Variants in ETV7 observed in about 807,000 individuals in gnomAD.
ETV7 encodes the protein transcription factor ETV7.
Under a neutral mutation model 39.1 loss-of-function variants are expected in ETV7, and 43 were observed. The ratio of observed to expected loss-of-function variants is 1.10; its 90% CI spans 0.86 to 1.42. ETV7 has a LOEUF of 1.42. ETV7 is among the 40% of genes most tolerant of loss of function. The probability of loss-of-function intolerance (pLI) is 0.00; values close to 1 mark genes in which losing one functional copy is unlikely to be tolerated. For missense variants in ETV7, 432 were observed against 442.3 expected (o/e 0.98, Z 0.21); for synonymous variants, 196 against 176.6 (o/e 1.11, Z -0.87).
chr6:36,387,101 C>G (rs973223484), intron 1 of ETV7, among the ~76,000 whole-genome samples: 1 of 151,912 alleles, frequency 6.6e-6, no homozygotes, highest in African/African-American at 2.4e-5. Context: ...GGACGGGGCG[C>G]CAGCTCTGGG....
intron 1 of ETV7, among the ~76,000 whole-genome samples, chr6:36,386,002 G>A (rs1469975892): frequency 6.6e-6 from 1 of 152,184 alleles, no homozygotes; most frequent in East Asian, 1.9e-4. Context: ...CAGGAAACCT[G>A]AGGGGCCAGG....
At chr6:36,371,258 C>G in intron 5 of ETV7, 72 bp downstream of exon 5, 1 of 1,411,238 alleles carries the variant, frequency 7.1e-7, no homozygotes, top group Non-Finnish European at 9.7e-7. Context: ...ATAGCCCTGT[C>G]CTCATCACTC....
intron 5 of ETV7, 129 bp downstream of exon 5, chr6:36,371,201 G>T: frequency 1.1e-6 from 1 of 931,652 alleles, no homozygotes; most frequent in Non-Finnish European, 1.7e-6. Flanking sequence ...GACAGTCAAC[G>T]CTACCCTGCA....
Position 36,371,366 on chromosome 6 carries a change from C to A in ETV7, c.628G>T (p.Ala210Ser). ...CRTQGVCSFP[A>S]MPQAPIDGRI... ...CCGTCAATGGGGGCCTGCGGCATCG[C>A]GGGGAAGGAACAGACCCCCTGGGTC... The change falls in exon 5 of 8, where the codon GCG (alanine) becomes TCG (serine). Residue 210 changes from alanine (A) to serine (S), a missense_variant. Ala to Ser is a moderately conservative substitution (Grantham distance 99). Transcript: ENST00000340181. 2.5e-6 allele frequency: 4 copies of A among 1,599,146 alleles called. No homozygotes were observed. Among genetic ancestry groups the A allele is most frequent in the Non-Finnish European group, 3.4e-6 (4 of 1,171,880 alleles).
rs200406533 is a variant in ETV7 at position 36,375,938 on chromosome 6, G to T, written c.240C>A (p.Phe80Leu). ...YSLPCTAEHG[F>L]EMNGRALCIL... ...TGCAGAGGGCGCGTCCGTTCATCTC[G>T]AACCCGTGCTCCGCGGTGCATGGCA... Residue 80 changes from phenylalanine to leucine, a missense_variant, in exon 3 of 8, where the codon TTC (phenylalanine) becomes TTA (leucine). Physicochemically the swap from Phe to Leu is conservative, Grantham distance 22. Transcript: ENST00000340181. 2.5e-6 allele frequency: 4 copies of T among 1,613,876 alleles called. No individual in the cohort carries two copies. The highest frequency in any genetic ancestry group is 3.4e-6 in the Non-Finnish European group (4 of 1,180,030).
chr6:36,362,224 C>T (rs971399949), downstream of ETV7, among the ~76,000 whole-genome samples: 3 of 152,104 alleles, frequency 2.0e-5, no homozygotes, highest in African/African-American at 7.2e-5. Context: ...ATGGCGTGAA[C>T]CCGGGAGGCA....
In ETV7 at chr6:36,376,006, C is replaced by A; in HGVS notation, c.172G>T (p.Asp58Tyr). ...GCCCAGCGCAGCCAGTGCAGCACGTCCTCCCTGCTCCACAGTGCGGGCTGG... is the reference window on the plus strand; with the variant it reads ...GCCCAGCGCAGCCAGTGCAGCACGTACTCCCTGCTCCACAGTGCGGGCTGG... ...RIQPALWSREDVLHWLRWAEQ... is the reference protein window; with the variant it reads ...RIQPALWSREYVLHWLRWAEQ... Residue 58 changes from aspartate to tyrosine, a missense_variant, in exon 3 of 8, where the codon GAC becomes TAC. Coordinates refer to ENST00000340181, the MANE Select transcript of ETV7 (RefSeq NM_016135.4). 1 of 1,608,426 alleles carries A rather than the reference C, an allele frequency of 6.2e-7. No homozygotes were observed.
intron 7 of ETV7, among the ~76,000 whole-genome samples, chr6:36,360,102 AG>A (rs1473635027): frequency 2.6e-5 from 4 of 152,194 alleles, no homozygotes; most frequent in Admixed American, 1.3e-4. Context: ...CATGTTGGCC[AG>A]GATGGTCTCG....
At chr6:36,379,408 A>G (rs1773536274) in intron 2 of ETV7, among the ~76,000 whole-genome samples, 1 of 152,086 alleles carries the variant, frequency 6.6e-6, no homozygotes, top group Non-Finnish European at 1.5e-5. Context: ...TTAATTAGCC[A>G]GGCATGGTGG....
intron 4 of ETV7, among the ~76,000 whole-genome samples, chr6:36,373,064 AG>A (rs545256179): frequency 1.3e-3 from 205 of 151,950 alleles, no homozygotes; most frequent in African/African-American, 4.8e-3. Flanking sequence ...TTTTGGGGGA[AG>A]GAAGGAGAGG....
At chr6:36,372,206 G>C (rs1773065216) in intron 4 of ETV7, among the ~76,000 whole-genome samples, 2 of 152,286 alleles carry the variant, frequency 1.3e-5, no homozygotes, top group South Asian at 4.1e-4. Context: ...CTAGAGCAGA[G>C]AGGGGATGCC....
At chr6:36,368,843 T>A in intron 6 of ETV7, 86 bp downstream of exon 6, 1 of 1,559,956 alleles carries the variant, frequency 6.4e-7, no homozygotes, top group Middle Eastern at 1.7e-4. Flanking sequence ...AGCTGAGGAT[T>A]GTCCCATAGT....
intron 2 of ETV7, among the ~76,000 whole-genome samples, chr6:36,379,576 AAG>A (rs1773549348): frequency 6.6e-6 from 1 of 150,852 alleles, no homozygotes; most frequent in South Asian, 2.1e-4. Flanking sequence ...GAAGAAGAAG[AAG>A]AAGAAGAAAA....
At chr6:36,369,318 T>G (rs774295360) in intron 5 of ETV7, among the ~76,000 whole-genome samples, 11 of 152,118 alleles carry the variant, frequency 7.2e-5, no homozygotes, top group Non-Finnish European at 1.6e-4. Flanking sequence ...GGCTCAGAGG[T>G]GCAGAGGTAT....
intron 2 of ETV7, among the ~76,000 whole-genome samples, chr6:36,382,078 C>T (rs1773683792): frequency 6.6e-6 from 1 of 152,154 alleles, no homozygotes; most frequent in Non-Finnish European, 1.5e-5. Flanking sequence ...CATTCCACCC[C>T]ACCTCTCTGG....
downstream of ETV7, among the ~76,000 whole-genome samples, chr6:36,362,762 T>C (rs950465750): frequency 2.0e-5 from 3 of 152,234 alleles, no homozygotes; most frequent in Admixed American, 6.5e-5. Context: ...GATTCATGCC[T>C]GCTCTCCTAG....
downstream of ETV7, among the ~76,000 whole-genome samples, chr6:36,365,897 C>T (rs909214477): frequency 3.9e-5 from 6 of 152,280 alleles, no homozygotes; most frequent in Middle Eastern, 3.4e-3. Context: ...ATCGGCTGGA[C>T]GCAGTGGCTC....
chr6:36,366,294 A>T lies in ETV7; in HGVS notation c.*351T>A. The T allele has an allele frequency of 9.2e-7, 1 of 1,091,948 alleles. No homozygotes were observed. The highest frequency in any genetic ancestry group is 1.1e-6 in the Non-Finnish European group (1 of 895,944). The allele number at this position is 1,091,948 out of a possible 1,614,324, so 67.6% of individuals were successfully genotyped here. A position where few individuals can be genotyped will look rare whatever the true frequency, so the allele number is the denominator to read the frequency against. On this transcript the variant is annotated 3_prime_UTR_variant, in exon 8 of 8. Coordinates refer to ENST00000340181, the MANE Select transcript of ETV7 (RefSeq NM_016135.4). ...GCCTCAGCCCATTTCACAGGTGAGG[A>T]AATCTGAGGCTCAGTGAGGGACTTC...
rs1224174983 is a variant in ETV7, at chr6:36,376,019, C to T, written c.159G>A (p.Leu53=). Residue 53 remains leucine (L), a synonymous_variant, in exon 3 of 8, where the codon CTG becomes CTA. Transcript: ENST00000340181. ...AGTGCAGCACGTCCTCCCTGCTCCACAGTGCGGGCTGGATGCCTGCAACCA... is the reference window on the plus strand; with the variant it reads ...AGTGCAGCACGTCCTCCCTGCTCCATAGTGCGGGCTGGATGCCTGCAACCA... ...LPGRLRIQPA[L]WSREDVLHWL... is the part of the protein sequence containing the mutation. 12 of 1,605,866 alleles carry T rather than the reference C, an allele frequency of 7.5e-6. No individual in the cohort carries two copies. Among genetic ancestry groups the T allele is most frequent in the Non-Finnish European group, 1.0e-5 (12 of 1,179,436 alleles).
Sources: allele counts gnomAD v4.1 joint callset (sites outside exome capture counted in the v4.1 genomes callset), GRCh38; gene constraint gnomAD v4.1.1; transcripts MANE v1.5; gene names NCBI Gene and HGNC (gene_info 2026-07-23, HGNC 2026-07-21).